SNTN: variants seen among roughly 807,000 people sequenced by gnomAD.
The protein encoded by SNTN is sentan, cilia apical structure protein.
In SNTN, 13 loss-of-function variants were observed where a neutral mutation model predicts 12.3. The observed-to-expected ratio is 1.05, with a 90% CI of 0.69 to 1.67. The LOEUF is 1.67. Among genes scored for constraint, SNTN ranks in the 40% most tolerant of loss-of-function variants. The pLI is 0.00. For synonymous variants in SNTN, 69 were observed against 58.5 expected (o/e 1.18, Z -0.82); for missense variants, 189 against 169.8 (o/e 1.11, Z -0.63).
At chr3:63,654,430 T>C (rs1372323712) in intron 1 of SNTN, among the ~76,000 whole-genome samples, 1 of 152,152 alleles carries the variant, frequency 6.6e-6, no homozygotes, top group Non-Finnish European at 1.5e-5. Context: ...TCCACCTTAG[T>C]CAGCTTGAAT....
intron 2 of SNTN, among the ~76,000 whole-genome samples, chr3:63,657,082 C>A (rs1700687536): frequency 6.6e-6 from 1 of 152,158 alleles, no homozygotes; most frequent in Non-Finnish European, 1.5e-5. Context: ...TCCAAAAAGT[C>A]AGAGTTTGTT....
chr3:63,660,748 G>A (rs939211293), intron 3 of SNTN, among the ~76,000 whole-genome samples: 3 of 152,144 alleles, frequency 2.0e-5, no homozygotes, highest in South Asian at 2.1e-4. Context: ...AGGAGATGGC[G>A]AGTTTCATTA....
At chr3:63,654,725 T>A in intron 1 of SNTN, 37 bp from the exon 2 acceptor site, 1 of 1,602,948 alleles carries the variant, frequency 6.2e-7, no homozygotes, top group Non-Finnish European at 8.5e-7. Flanking sequence ...ATACCCCAAC[T>A]CCCAGAATCA....
Position 63,660,592 on chromosome 3 carries a change from CAATT to C in SNTN, c.285+729_285+732del, listed in dbSNP as rs569835629. Among the ~76,000 whole-genome samples, 18 of 152,180 alleles carry C rather than the reference CAATT, an allele frequency of 1.2e-4. No homozygotes were observed. In the East Asian group the frequency reaches 3.1e-3, roughly 26 times the overall value. On this transcript the variant is annotated intron_variant, in intron 3 of 3. Transcript: ENST00000343837. ...AGAAGGTGGAATGAACAAGATCTGA[CAATT>C]GATTGACTGTGAGAGTTGAAGGATA...
chr3:63,663,722 G>A, intron 3 of SNTN: 1 of 673,678 alleles, frequency 1.5e-6, no homozygotes, highest in East Asian at 2.9e-5. Flanking sequence ...TACCATGAGT[G>A]GAAGCAGCCT....
intron 3 of SNTN, among the ~76,000 whole-genome samples, chr3:63,662,951 A>G (rs565100645): frequency 6.6e-6 from 1 of 152,304 alleles, no homozygotes; most frequent in South Asian, 2.1e-4. Flanking sequence ...CTTTCCTTCA[A>G]TCTGACTATT....
chr3:63,654,858 TAA>T (rs5849568), intron 2 of SNTN, 62 bp downstream of exon 2: 16 of 1,391,362 alleles, frequency 1.1e-5, no homozygotes, highest in Admixed American at 2.0e-5. Flanking sequence ...TGCCAAGTGT[TAA>T]AAAAAAATAA....
chr3:63,664,298 G>A lies in SNTN; in HGVS notation c.*203G>A. 1.9e-6 allele frequency: 1 copy of A among 524,562 alleles called. No individual in the cohort carries two copies. 32.5% of individuals were successfully genotyped at this position (524,562 alleles called of 1,614,324 possible). On this transcript the variant is annotated 3_prime_UTR_variant, in exon 4 of 4. Coordinates refer to ENST00000343837, the MANE Select transcript of SNTN (RefSeq NM_001080537.2). ...TGTTTGAATGATAAGGTCTCTGTGT[G>A]CTTTACAATAGGATAGATTTGATAC...
At chr3:63,654,886 T>C (rs1700660053) in intron 2 of SNTN, 90 bp downstream of exon 2, 1 of 1,153,446 alleles carries the variant, frequency 8.7e-7, no homozygotes, top group Non-Finnish European at 1.3e-6. Flanking sequence ...CATCAAAGAA[T>C]GCCAGAGATG....
At chr3:63,655,823 C>A (rs1392353892) in intron 2 of SNTN, among the ~76,000 whole-genome samples, 3 of 152,164 alleles carry the variant, frequency 2.0e-5, no homozygotes, top group African/African-American at 7.2e-5. Flanking sequence ...ATGGATAGGT[C>A]GTGACATAGA....
intron 2 of SNTN, among the ~76,000 whole-genome samples, chr3:63,658,574 A>T (rs891987158): frequency 1.4e-5 from 2 of 147,986 alleles, no homozygotes; most frequent in East Asian, 2.0e-4. Flanking sequence ...TTTTTTAATT[A>T]AAAAAAAAAT....
At position 63,659,841 on chromosome 3, in the gene SNTN, A is replaced by G; in HGVS notation, c.262A>G (p.Thr88Ala). 6.2e-7 allele frequency: 1 copy of G among 1,614,018 alleles called. No individual in the cohort carries two copies. The highest frequency in any genetic ancestry group is 8.5e-7 in the Non-Finnish European group (1 of 1,179,930). Residue 88 changes from threonine (T) to alanine (A), a missense_variant, in exon 3 of 4, where the codon ACC becomes GCC. Physicochemically the swap from Thr to Ala is moderately conservative, Grantham distance 58. Coordinates refer to ENST00000343837, the MANE Select transcript of SNTN (RefSeq NM_001080537.2). ...AGCTATTGCCAAAGATCTGCTGCAAACCCAATTTAGGAATTTCGCAGAGGT... is the reference window on the plus strand; with the variant it reads ...AGCTATTGCCAAAGATCTGCTGCAAGCCCAATTTAGGAATTTCGCAGAGGT... ...EKAIAKDLLQ[T>A]QFRNFAEGQE...
At chr3:63,659,069 A>C (rs963385876) in intron 2 of SNTN, among the ~76,000 whole-genome samples, 1 of 152,172 alleles carries the variant, frequency 6.6e-6, no homozygotes, top group Non-Finnish European at 1.5e-5. Context: ...TGACTAAAAG[A>C]ACACAAAGCA....
Position 63,664,309 on chromosome 3 carries a change from G to A in SNTN, c.*214G>A. 1 of 477,066 alleles carries A rather than the reference G, an allele frequency of 2.1e-6. No individual in the cohort carries two copies. The highest frequency in any genetic ancestry group is 3.7e-5 in the East Asian group (1 of 27,054). 29.6% of individuals were successfully genotyped at this position (477,066 alleles called of 1,614,324 possible). On this transcript the variant is annotated 3_prime_UTR_variant, in exon 4 of 4. Transcript: ENST00000343837. ...TAAGGTCTCTGTGTGCTTTACAATAGGATAGATTTGATACCACTGAATAAT... is the reference window on the plus strand; with the variant it reads ...TAAGGTCTCTGTGTGCTTTACAATAAGATAGATTTGATACCACTGAATAAT...
chr3:63,662,798 A>T (rs527355340), intron 3 of SNTN, among the ~76,000 whole-genome samples: 1 of 152,354 alleles, frequency 6.6e-6, no homozygotes, highest in African/African-American at 2.4e-5. Flanking sequence ...ATGGGTGAGC[A>T]TTTGGGAACA....
intron 2 of SNTN, among the ~76,000 whole-genome samples, chr3:63,657,118 G>A (rs1470338814): frequency 2.0e-5 from 3 of 152,124 alleles, no homozygotes; most frequent in African/African-American, 4.8e-5. Flanking sequence ...ACTGCCCTAC[G>A]CCCCAGAACT....
chr3:63,664,955 C>T lies in SNTN; in HGVS notation c.*860C>T, dbSNP rs190388930. ...ATTTTTAGTGGAGACGGGGTTTCGCCATGTCGGCCAGGCTGGTCTCGAACT... is the reference window on the plus strand; with the variant it reads ...ATTTTTAGTGGAGACGGGGTTTCGCTATGTCGGCCAGGCTGGTCTCGAACT... On this transcript the variant is annotated 3_prime_UTR_variant, in exon 4 of 4. Coordinates refer to ENST00000343837, the MANE Select transcript of SNTN (RefSeq NM_001080537.2). 2.7e-3 allele frequency among the ~76,000 whole-genome samples: 418 copies of T among 152,034 alleles called. 4 individuals are homozygous for T. Among genetic ancestry groups the T allele is most frequent in the Non-Finnish European group, 5.0e-3 (337 of 67,976 alleles).
intron 1 of SNTN, 96 bp downstream of exon 1, chr3:63,652,893 T>C: frequency 8.4e-7 from 1 of 1,195,930 alleles, no homozygotes; most frequent in Non-Finnish European, 1.2e-6. Context: ...GCCAAGTTAT[T>C]GCCAGTTTGG....
chr3:63,659,004 G>A (rs13064166), intron 2 of SNTN, among the ~76,000 whole-genome samples: 25,761 of 152,154 alleles, frequency 0.17, 2,240 homozygotes, highest in African/African-American at 0.2. Flanking sequence ...GAAAGGACAG[G>A]TAAACATGTA....
Sources: allele counts gnomAD v4.1 joint callset (sites outside exome capture counted in the v4.1 genomes callset), GRCh38; gene constraint gnomAD v4.1.1; transcripts MANE v1.5; gene names NCBI Gene and HGNC (gene_info 2026-07-23, HGNC 2026-07-21).